Variants in ANKFN1 observed in about 807,000 individuals in gnomAD.
The protein encoded by ANKFN1 is ankyrin repeat and fibronectin type III domain containing 1.
ANKFN1 carries 74 observed loss-of-function variants against 108.7 expected under a neutral mutation model. The observed-to-expected ratio is 0.68, with a 90% CI of 0.56 to 0.83. The LOEUF (loss-of-function observed/expected upper bound fraction) is 0.83, where lower values mean the gene tolerates loss of function less well. Ranked by LOEUF, ANKFN1 falls within the 40% of genes least tolerant of loss-of-function variation. ANKFN1 has a pLI of 0.00. For synonymous variants in ANKFN1, 547 were observed against 516.2 expected (o/e 1.06, Z -0.81); for missense variants, 1,505 against 1,382.3 (o/e 1.09, Z -1.41).
In ANKFN1 at chr17:56,240,198, A is replaced by G. The variant is rs988487100; in HGVS notation, c.53+12241A>G. ...TTCTGCTCTATCATTCTCCCACAAA[A>G]AAATCACAATCCTGTATGCTTATCC... On this transcript the variant is annotated intron_variant, in intron 3 of 20. Transcript: ENST00000682825. Among the ~76,000 whole-genome samples, 10 of 152,100 alleles carry G rather than the reference A, an allele frequency of 6.6e-5. 1 individual carries two copies. Among genetic ancestry groups the G allele is most frequent in the Admixed American group, 6.6e-4 (10 of 15,256 alleles).
rs188821333 is a variant in ANKFN1, at chr17:56,392,212, T to A, written c.910+17498T>A. 1.8e-4 allele frequency among the ~76,000 whole-genome samples: 28 copies of A among 152,284 alleles called. 1 individual carries two copies. The highest frequency in any genetic ancestry group is 6.5e-4 in the African/African-American group (27 of 41,570). On this transcript the variant is annotated intron_variant, in intron 8 of 20. Coordinates refer to ENST00000682825, the MANE Select transcript of ANKFN1 (RefSeq NM_001370326.1). The stretch of plus-strand genomic sequence containing the variant: ...GTTAAGAAATTTGTGCAAGGTCCCA[T>A]AATAAGTAGGGGCTGAGCAGGGAGT...
chr17:56,179,804 T>G (rs1202269402), intron 1 of ANKFN1, among the ~76,000 whole-genome samples: 1 of 152,192 alleles, frequency 6.6e-6, no homozygotes, highest in Non-Finnish European at 1.5e-5. Context: ...CAGAGCCTGG[T>G]GTTTAGTGGA....
intron 4 of ANKFN1, among the ~76,000 whole-genome samples, chr17:56,062,771 G>C (rs745808553): frequency 3.3e-5 from 5 of 152,052 alleles, no homozygotes; most frequent in Non-Finnish European, 7.4e-5. Flanking sequence ...CTGTCATCAT[G>C]ATGCTATCTG....
rs1914999672 is a variant in ANKFN1, at chr17:56,211,488, AT to A, written c.-70-1109del. On this transcript the variant is annotated intron_variant, in intron 1 of 20. Coordinates refer to ENST00000682825, the MANE Select transcript of ANKFN1 (RefSeq NM_001370326.1). ...TGCCTATTTTTTTTGTACCAATACCATGCTGTTTTGGTGACTATGGCTTTAT... is the reference window on the plus strand; with the variant it reads ...TGCCTATTTTTTTTGTACCAATACCAGCTGTTTTGGTGACTATGGCTTTAT... 2.0e-5 allele frequency among the ~76,000 whole-genome samples: 3 copies of A among 152,202 alleles called. No homozygotes were observed. The South Asian group carries it at 6.2e-4, about 32-fold the overall frequency.
At chr17:56,067,466 C>T (rs1039773944) in intron 4 of ANKFN1, among the ~76,000 whole-genome samples, 1 of 152,170 alleles carries the variant, frequency 6.6e-6, no homozygotes, top group Non-Finnish European at 1.5e-5. Context: ...ATACATGAAG[C>T]CTCAACTACC....
Position 56,365,595 on chromosome 17 carries a change from T to C in ANKFN1, c.602-7051T>C, listed in dbSNP as rs137998292. Among the ~76,000 whole-genome samples, 118 of 152,322 alleles carry C rather than the reference T, an allele frequency of 7.7e-4. 1 individual carries two copies. In the South Asian group the frequency reaches 0.013, roughly 17 times the overall value. On this transcript the variant is annotated intron_variant, in intron 6 of 20. Coordinates refer to ENST00000682825, the MANE Select transcript of ANKFN1 (RefSeq NM_001370326.1). ...GAACCCCAAAGCCCTTTTACCACGT[T>C]GCTTGCAGTTTGGAAGTACAATCAC... is the stretch of plus-strand genomic sequence containing the variant.
At chr17:56,200,333 G>A (rs1334410479) in intron 1 of ANKFN1, among the ~76,000 whole-genome samples, 1 of 152,174 alleles carries the variant, frequency 6.6e-6, no homozygotes, top group Admixed American at 6.5e-5. Flanking sequence ...ATGGAATCAA[G>A]AGACCCAGAA....
intron 2 of ANKFN1, among the ~76,000 whole-genome samples, chr17:56,213,468 C>T (rs1915187244): frequency 6.6e-6 from 1 of 152,174 alleles, no homozygotes; most frequent in Admixed American, 6.5e-5. Context: ...AGAAGTCAGT[C>T]ATTCTCACTT....
intron 3 of ANKFN1, among the ~76,000 whole-genome samples, chr17:56,322,158 C>T (rs1199841477): frequency 1.3e-5 from 2 of 152,150 alleles, no homozygotes; most frequent in South Asian, 2.1e-4. Context: ...CAGACCACAA[C>T]CTGCATGCCA....
chr17:56,438,487 C>T (rs2048994442), intron 8 of ANKFN1, among the ~76,000 whole-genome samples: 1 of 152,130 alleles, frequency 6.6e-6, no homozygotes, highest in Admixed American at 6.5e-5. Flanking sequence ...AGCAACTGGA[C>T]TCTATGAAAA....
intron 4 of ANKFN1, among the ~76,000 whole-genome samples, chr17:56,132,394 G>A (rs1907333213): frequency 6.6e-6 from 1 of 151,868 alleles, no homozygotes; most frequent in Non-Finnish European, 1.5e-5. Context: ...TGCTCTCAGG[G>A]CACCTCTTGC....
chr17:56,274,757 C>T (rs2043879794), intron 3 of ANKFN1, among the ~76,000 whole-genome samples: 1 of 152,126 alleles, frequency 6.6e-6, no homozygotes, highest in Non-Finnish European at 1.5e-5. Flanking sequence ...GTGGTCTCCA[C>T]ATAGTTATAA....
intron 3 of ANKFN1, among the ~76,000 whole-genome samples, chr17:56,325,557 A>G (rs1385913961): frequency 6.6e-6 from 1 of 152,198 alleles, no homozygotes; most frequent in African/African-American, 2.4e-5. Context: ...TGCTGTCCTA[A>G]GTCCCACATC....
At chr17:56,205,630 C>G (rs752269031) in intron 1 of ANKFN1, among the ~76,000 whole-genome samples, 1 of 152,124 alleles carries the variant, frequency 6.6e-6, no homozygotes, top group African/African-American at 2.4e-5. Context: ...GATACTATAG[C>G]CATCCCTTCA....
rs141237304 is a variant in ANKFN1 at position 56,359,825 on chromosome 17, T to C, written c.601+5779T>C. 3.6e-3 allele frequency among the ~76,000 whole-genome samples: 543 copies of C among 152,292 alleles called. 1 individual carries two copies. The highest frequency in any genetic ancestry group is 6.3e-3 in the Non-Finnish European group (426 of 68,016). ...AGAAAGTCTACAATCCAAGCGAATG[T>C]TACCCTTCCACATGGTCCTCCTGGG... On this transcript the variant is annotated intron_variant, in intron 6 of 20. Transcript: ENST00000682825.
intron 3 of ANKFN1, among the ~76,000 whole-genome samples, chr17:56,270,678 T>C (rs1437473382): frequency 6.6e-6 from 1 of 152,194 alleles, no homozygotes; most frequent in African/African-American, 2.4e-5. Context: ...CCAAGCCTCA[T>C]TGGCTCCTCC....
chr17:56,346,794 C>A (rs1244479487), intron 4 of ANKFN1, among the ~76,000 whole-genome samples: 2 of 151,276 alleles, frequency 1.3e-5, no homozygotes, highest in Admixed American at 1.3e-4. Context: ...TTGTAAATGG[C>A]TTTTTAGGAA....
intron 2 of ANKFN1, among the ~76,000 whole-genome samples, chr17:56,221,700 T>C (rs570785450): frequency 6.6e-6 from 1 of 152,334 alleles, no homozygotes; most frequent in South Asian, 2.1e-4. Flanking sequence ...GACAAAGCGA[T>C]TTCGAACACA....
At chr17:56,364,094 C>T (rs2046596580) in intron 6 of ANKFN1, among the ~76,000 whole-genome samples, 1 of 151,092 alleles carries the variant, frequency 6.6e-6, no homozygotes, top group African/African-American at 2.4e-5. Context: ...GTTCTCACCA[C>T]AAAAAAAAGA....
Sources: allele counts gnomAD v4.1 joint callset (sites outside exome capture counted in the v4.1 genomes callset), GRCh38; gene constraint gnomAD v4.1.1; transcripts MANE v1.5; gene names NCBI Gene and HGNC (gene_info 2026-07-23, HGNC 2026-07-21).